The following PCMT1 variants were observed in gnomAD, a reference collection of about 807,000 sequenced individuals.
PCMT1 encodes the protein protein-L-isoaspartate(D-aspartate) O-methyltransferase.
A neutral mutation model predicts 29.2 loss-of-function variants in PCMT1; 9 were observed. The observed-to-expected ratio is 0.31, with a 90% CI of 0.19 to 0.54. The LOEUF (loss-of-function observed/expected upper bound fraction) is 0.54. Among genes scored for constraint, PCMT1 ranks in the 20% least tolerant of loss-of-function variants. PCMT1 has a pLI of 0.95. For synonymous variants in PCMT1, 98 were observed against 97.5 expected (o/e 1.00, Z -0.03); for missense variants, 184 against 282.2 (o/e 0.65, Z 2.49).
chr6:149,783,018 T>A (rs1259788770), intron 3 of PCMT1, among the ~76,000 whole-genome samples: 1 of 152,110 alleles, frequency 6.6e-6, no homozygotes, highest in African/African-American at 2.4e-5. Flanking sequence ...GATCACTATT[T>A]TGTTATCATC....
chr6:149,788,222 T>C (rs1788208766), intron 3 of PCMT1, among the ~76,000 whole-genome samples: 2 of 152,200 alleles, frequency 1.3e-5, no homozygotes, highest in Admixed American at 1.3e-4. Context: ...CAATGCTCTT[T>C]ACCTTTAAAA....
chr6:149,755,670 A>G (rs559883733), intron 1 of PCMT1, among the ~76,000 whole-genome samples: 1 of 152,258 alleles, frequency 6.6e-6, no homozygotes, highest in East Asian at 1.9e-4. Context: ...GTCATTTTAC[A>G]TATATAATGT....
At chr6:149,767,491 C>T (rs900601157) in intron 1 of PCMT1, among the ~76,000 whole-genome samples, 10 of 152,090 alleles carry the variant, frequency 6.6e-5, no homozygotes, top group African/African-American at 2.4e-4. Context: ...TTCACTCTGT[C>T]ACCCAGGCTA....
chr6:149,756,686 A>G (rs1230439229), intron 1 of PCMT1, among the ~76,000 whole-genome samples: 1 of 150,974 alleles, frequency 6.6e-6, no homozygotes, highest in African/African-American at 2.4e-5. Flanking sequence ...TTAATATTCC[A>G]CTACTTTTGT....
In PCMT1 at chr6:149,793,646, C is replaced by G; in HGVS notation, c.395C>G (p.Ser132Cys). ...NVRKDDPTLL[S>C]SGRVQLVVGD... ...AGGAAGGACGATCCAACACTTCTGT[C>G]TTCAGGGAGAGTACAGCTTGTTGGT... The change falls in exon 5 of 8, where the codon TCT becomes TGT. Residue 132 changes from serine to cysteine, a missense_variant. Ser to Cys is a moderately radical substitution (Grantham distance 112). Transcript: ENST00000464889. The G allele has an allele frequency of 1.9e-6, 3 of 1,559,554 alleles. No homozygotes were observed. Among genetic ancestry groups the G allele is most frequent in the Middle Eastern group, 1.7e-4 (1 of 5,942 alleles).
chr6:149,795,533 ATGTT>A (rs1788569189), intron 5 of PCMT1: 3 of 466,198 alleles, frequency 6.4e-6, no homozygotes, highest in Admixed American at 2.8e-5. Flanking sequence ...GTTGGGCAGG[ATGTT>A]TGTTTGGATC....
chr6:149,777,253 C>G (rs1787605628), intron 3 of PCMT1, among the ~76,000 whole-genome samples: 1 of 152,140 alleles, frequency 6.6e-6, no homozygotes, highest in Non-Finnish European at 1.5e-5. Context: ...AACACAAAGT[C>G]TGTTTTATAA....
At chr6:149,753,142 T>TG (rs943707023) in intron 1 of PCMT1, among the ~76,000 whole-genome samples, 3 of 152,180 alleles carry the variant, frequency 2.0e-5, no homozygotes, top group Non-Finnish European at 4.4e-5. Flanking sequence ...AAGTAATACT[T>TG]GCTCATGTGA....
intron 1 of PCMT1, among the ~76,000 whole-genome samples, chr6:149,760,355 C>T (rs1057175228): frequency 1.3e-5 from 2 of 152,142 alleles, no homozygotes; most frequent in Non-Finnish European, 2.9e-5. Context: ...ATACCTTAAA[C>T]AAAATAAGTT....
At chr6:149,805,589 G>C (rs148301365) in intron 7 of PCMT1, among the ~76,000 whole-genome samples, 1 of 151,522 alleles carries the variant, frequency 6.6e-6, no homozygotes, top group Non-Finnish European at 1.5e-5. Context: ...GCGAGACTCC[G>C]TCTCAAAAAA....
At chr6:149,795,193 C>CAAAA (rs58391587) in intron 5 of PCMT1, 5 of 273,246 alleles carry the variant, frequency 1.8e-5, no homozygotes, top group Admixed American at 4.9e-5. Context: ...GACTTCGTCT[C>CAAAA]AAAAAAAAAA....
chr6:149,781,031 G>T (rs1028980444), intron 3 of PCMT1, among the ~76,000 whole-genome samples: 14 of 152,042 alleles, frequency 9.2e-5, no homozygotes, highest in African/African-American at 2.9e-4. Flanking sequence ...TTTTTTAAAA[G>T]AATTTTATCC....
In PCMT1 at chr6:149,772,123, T is replaced by G. The variant is rs1243554019; in HGVS notation, c.160+857T>G. 3 of 456,590 alleles carry G rather than the reference T, an allele frequency of 6.6e-6. No homozygotes were observed. In the Admixed American group the frequency reaches 7.1e-5, roughly 11 times the overall value. The allele number at this position is 456,590 out of a possible 1,614,324, so 28.3% of individuals were successfully genotyped here. The stretch of plus-strand genomic sequence containing the variant: ...GTGCCTCAGGATTCTGTCAGTCGGC[T>G]GCCATGCTATCTTCTTTTGACGCAC... On this transcript the variant is annotated intron_variant, in intron 2 of 7. Transcript: ENST00000464889.
At chr6:149,775,588 G>A (rs1299916273) in intron 3 of PCMT1, among the ~76,000 whole-genome samples, 1 of 151,850 alleles carries the variant, frequency 6.6e-6, no homozygotes. Context: ...TGTTCCTGTA[G>A]TCCCAGCTAC....
At position 149,796,513 on chromosome 6, in the gene PCMT1, T is replaced by A. The variant is rs536317122; in HGVS notation, c.504+13T>A. On this transcript the variant is annotated intron_variant, in intron 6 of 7. Coordinates refer to ENST00000464889, the MANE Select transcript of PCMT1 (RefSeq NM_001360452.2). ...TGTACCCCAGGCGGTGAGTCGGGAT[T>A]TTTTCTGTTTGTGTGTTTTTATTCA... The A allele has an allele frequency of 2.4e-5, 38 of 1,598,160 alleles. 2 individuals carry two copies. The South Asian group carries it at 4.1e-4, about 17-fold the overall frequency.
intron 7 of PCMT1, 149 bp downstream of exon 7, chr6:149,802,565 T>C: frequency 1.7e-6 from 2 of 1,171,468 alleles, no homozygotes; most frequent in Non-Finnish European, 1.1e-6. Flanking sequence ...TTAACATATA[T>C]ATCTTTGGGA....
chr6:149,779,737 G>A (rs928134080), intron 3 of PCMT1, among the ~76,000 whole-genome samples: 7 of 152,070 alleles, frequency 4.6e-5, no homozygotes, highest in Non-Finnish European at 7.4e-5. Context: ...TTGGACCTGG[G>A]GAGGGTGCAG....
intron 4 of PCMT1, among the ~76,000 whole-genome samples, chr6:149,791,093 A>G (rs767073975): frequency 5.0e-4 from 76 of 152,128 alleles, no homozygotes; most frequent in Admixed American, 1.2e-3. Context: ...TTCCTTGTAC[A>G]GGCCTCAGTT....
chr6:149,771,562 G>C (rs1251714754), intron 2 of PCMT1, among the ~76,000 whole-genome samples: 1 of 152,148 alleles, frequency 6.6e-6, no homozygotes, highest in South Asian at 2.1e-4. Flanking sequence ...TATCATCCAG[G>C]CTGGATTGCA....
Sources: gnomAD v4.1 joint callset for allele counts (sites outside exome capture counted in the v4.1 genomes callset) on GRCh38, gnomAD v4.1.1 for gene constraint, MANE v1.5 for transcripts, NCBI Gene and HGNC (gene_info 2026-07-23, HGNC 2026-07-21) for gene names.